DNAH9: variants seen among roughly 807,000 people sequenced by gnomAD.
DNAH9 encodes dynein axonemal heavy chain 9, also known as DNAH9 variant protein.
Under a neutral mutation model 471.6 loss-of-function variants are expected in DNAH9, and 345 were observed. That is an observed-to-expected ratio of 0.73 (90% CI 0.67 to 0.80). The LOEUF is 0.80. DNAH9 is among the 30% of genes least tolerant of loss of function. The probability of loss-of-function intolerance (pLI) is 0.00; values close to 1 mark genes in which losing one functional copy is unlikely to be tolerated. For synonymous variants in DNAH9, 2,093 were observed against 2,123.6 expected (o/e 0.99, Z 0.40); for missense variants, 5,407 against 5,609.2 (o/e 0.96, Z 1.15).
chr17:11,704,584 T>A, intron 25 of DNAH9, 142 bp downstream of exon 25: 6 of 351,936 alleles, frequency 1.7e-5, no homozygotes, highest in African/African-American at 4.6e-5. Context: ...TGCTCCTACT[T>A]TTTTTTTTTT....
chr17:11,827,626 G>C (rs1970541999), intron 48 of DNAH9, among the ~76,000 whole-genome samples: 1 of 151,984 alleles, frequency 6.6e-6, no homozygotes. Context: ...AAATTTCTCA[G>C]GGATGTATAT....
chr17:11,749,140 A>C (rs1426110894), intron 32 of DNAH9, among the ~76,000 whole-genome samples: 1 of 132,272 alleles, frequency 7.6e-6, no homozygotes, highest in East Asian at 2.4e-4. Context: ...GCTGGAATGC[A>C]GTGGCACAAT....
chr17:11,750,438 A>G (rs1030307571), intron 32 of DNAH9, among the ~76,000 whole-genome samples: 4 of 152,234 alleles, frequency 2.6e-5, no homozygotes, highest in African/African-American at 9.6e-5. Context: ...TCAATATAAT[A>G]ACAAAGTTAT....
At chr17:11,740,637 T>C (rs1443790504) in intron 29 of DNAH9, among the ~76,000 whole-genome samples, 2 of 152,208 alleles carry the variant, frequency 1.3e-5, no homozygotes, top group African/African-American at 2.4e-5. Context: ...TTTTTCAAAA[T>C]AGTAAGTACA....
At chr17:11,809,471 G>A (rs780991026) in intron 44 of DNAH9, among the ~76,000 whole-genome samples, 4 of 152,110 alleles carry the variant, frequency 2.6e-5, no homozygotes, top group African/African-American at 9.7e-5. Context: ...GGAGGCTGAG[G>A]CAGGAGAATC....
At chr17:11,944,114 G>C (rs1323080446) in intron 67 of DNAH9, among the ~76,000 whole-genome samples, 2 of 152,182 alleles carry the variant, frequency 1.3e-5, no homozygotes, top group Non-Finnish European at 2.9e-5. Flanking sequence ...GGGCAAAGAT[G>C]CAGGGTGTGA....
intron 67 of DNAH9, among the ~76,000 whole-genome samples, chr17:11,960,375 G>A (rs1053768467): frequency 1.4e-5 from 2 of 147,872 alleles, no homozygotes; most frequent in African/African-American, 5.0e-5. Flanking sequence ...GGCAGAGGTT[G>A]CCGTGAGCTG....
Position 11,690,402 on chromosome 17 carries a change from C to T in DNAH9, c.4580C>T (p.Thr1527Ile), listed in dbSNP as rs1464307812. Reference sequence around the variant, plus strand: ...TGGACTCACCTGGAAAGCATATTCACTGGATCTGAAGATATTCGGGCACAG... The same window carrying T: ...TGGACTCACCTGGAAAGCATATTCATTGGATCTGAAGATATTCGGGCACAG... ...RTWTHLESIF[T>I]GSEDIRAQLP... Residue 1527 changes from threonine to isoleucine, a missense_variant, in exon 20 of 69, where the codon ACT (threonine) becomes ATT (isoleucine). This residue lies in a region of DNAH9 where 4,636 missense variants were observed against 4,900.3 expected (regional missense o/e 0.95). Coordinates refer to ENST00000262442, the MANE Select transcript of DNAH9 (RefSeq NM_001372.4). 2.5e-6 allele frequency: 4 copies of T among 1,614,158 alleles called. No individual in the cohort carries two copies. Among genetic ancestry groups the T allele is most frequent in the Non-Finnish European group, 3.4e-6 (4 of 1,179,990 alleles).
chr17:11,832,684 C>T (rs183037306), intron 48 of DNAH9, among the ~76,000 whole-genome samples: 2 of 152,286 alleles, frequency 1.3e-5, no homozygotes, highest in Admixed American at 6.5e-5. Context: ...TTATCAACAG[C>T]GTGTAAGCCT....
At position 11,810,070 on chromosome 17, in the gene DNAH9, G is replaced by A. The variant is rs183164205; in HGVS notation, c.8584-176G>A. Among the ~76,000 whole-genome samples the A allele has an allele frequency of 1.5e-3, 225 of 152,208 alleles. 4 individuals carry two copies. Among genetic ancestry groups the A allele is most frequent in the African/African-American group, 5.3e-3 (218 of 41,506 alleles). Reference sequence around the variant, plus strand: ...TATTGGCACCAAAGCCTGGGAATGAGGCATAGTTTCCTGCCTGTCAGTGCA... The same window carrying A: ...TATTGGCACCAAAGCCTGGGAATGAAGCATAGTTTCCTGCCTGTCAGTGCA... On this transcript the variant is annotated intron_variant, in intron 44 of 68. Coordinates refer to ENST00000262442, the MANE Select transcript of DNAH9 (RefSeq NM_001372.4).
chr17:11,749,086 GTTTTT>G lies in DNAH9; in HGVS notation c.6610+1332_6610+1336del, dbSNP rs1357238487. 1.9e-3 allele frequency among the ~76,000 whole-genome samples: 40 copies of G among 20,540 alleles called. No individual in the cohort carries two copies. In the East Asian group the frequency reaches 0.025, roughly 13 times the overall value. The allele number at this position is 20,540 out of a possible 152,430, so 13.5% of individuals were successfully genotyped here. On this transcript the variant is annotated intron_variant, in intron 32 of 68. Coordinates refer to ENST00000262442, the MANE Select transcript of DNAH9 (RefSeq NM_001372.4). ...AGGGTTTTTTTTTGTTTTTTTTTTTGTTTTTTTTTTTTTTTTGAGACAGAGACTCA... is the reference window on the plus strand; with the variant it reads ...AGGGTTTTTTTTTGTTTTTTTTTTTGTTTTTTTTTTTGAGACAGAGACTCA...
Position 11,690,447 on chromosome 17 carries a change from A to C in DNAH9, c.4614+11A>C. On this transcript the variant is annotated intron_variant, in intron 20 of 68. Coordinates refer to ENST00000262442, the MANE Select transcript of DNAH9 (RefSeq NM_001372.4). ...GCACAGCTACCCCAGGTACCTGCTA[A>C]GGAAATCTAGAATCTCTCTATTCTC... 6.2e-7 allele frequency: 1 copy of C among 1,608,576 alleles called. No homozygotes were observed. The highest frequency in any genetic ancestry group is 1.1e-5 in the South Asian group (1 of 90,464).
intron 39 of DNAH9, among the ~76,000 whole-genome samples, chr17:11,781,837 AAAAAAACAAAC>A (rs1356347333): frequency 1.4e-5 from 2 of 146,186 alleles, no homozygotes; most frequent in African/African-American, 2.6e-5. Context: ...ATCTTAAAAA[AAAAAAACAAAC>A]AAAAAAAAAA....
intron 24 of DNAH9, 26 bp from the exon 25 acceptor site, chr17:11,704,177 T>C (rs1353301878): frequency 6.2e-7 from 1 of 1,613,410 alleles, no homozygotes; most frequent in Non-Finnish European, 8.5e-7. Context: ...GATAACAGCT[T>C]TACTAGGCAA....
chr17:11,893,872 G>A (rs1973139282), intron 58 of DNAH9, among the ~76,000 whole-genome samples: 1 of 150,528 alleles, frequency 6.6e-6, no homozygotes. Flanking sequence ...AGAACTTAAA[G>A]TAAAAGAAAA....
intron 10 of DNAH9, among the ~76,000 whole-genome samples, chr17:11,643,938 G>A (rs1352854419): frequency 3.3e-5 from 5 of 152,244 alleles, no homozygotes; most frequent in African/African-American, 1.2e-4. Flanking sequence ...AGGCATAAAA[G>A]ATTTAAAAAA....
At chr17:11,606,861 C>T (rs898959753) in intron 1 of DNAH9, among the ~76,000 whole-genome samples, 4 of 152,210 alleles carry the variant, frequency 2.6e-5, no homozygotes, top group South Asian at 2.1e-4. Context: ...TATTCTAAGG[C>T]GCTATTGGTT....
Position 11,701,165 on chromosome 17 carries a change from CT to C in DNAH9, c.5070del (p.Val1691Ter), listed in dbSNP as rs776166171. On this transcript the variant is annotated frameshift_variant, in exon 24 of 69. Transcript: ENST00000262442. LOFTEE classifies it high-confidence loss of function. ...CATGTCCTTGGTCACATGAAGGCCA[CT>C]GTGAGGCATGAGATGACAGAAGGTG... is the stretch of plus-strand genomic sequence containing the variant. ...LNHVLGHMKA[T>X]VRHEMTEGVT... 1 of 1,614,102 alleles carries C rather than the reference CT, an allele frequency of 6.2e-7. No individual in the cohort carries two copies. The highest frequency in any genetic ancestry group is 1.1e-5 in the South Asian group (1 of 91,078).
In DNAH9 at chr17:11,698,167, T is replaced by TA. The variant is rs2074511943; in HGVS notation, c.4873-1563dup. Among the ~76,000 whole-genome samples the TA allele has an allele frequency of 4.9e-5, 3 of 61,712 alleles. No homozygotes were observed. In the Admixed American group the frequency reaches 7.6e-4, roughly 16 times the overall value. 40.5% of individuals were successfully genotyped at this position (61,712 alleles called of 152,430 possible). ...TAGTATTATATTATTAATATATTAT[T>TA]ATATTAATATATTATTATATTAATA... On this transcript the variant is annotated intron_variant, in intron 22 of 68. Transcript: ENST00000262442.
Sources: gnomAD v4.1 joint callset for allele counts (sites outside exome capture counted in the v4.1 genomes callset) on GRCh38, gnomAD v4.1.1 for gene constraint, gnomAD v4.1.1 regional missense constraint, MANE v1.5 for transcripts, NCBI Gene and HGNC (gene_info 2026-07-23, HGNC 2026-07-21) for gene names.